DYNC2I1: variants seen among roughly 807,000 people sequenced by gnomAD.
DYNC2I1 encodes dynein 2 intermediate chain 1, also known as cytoplasmic dynein 2 intermediate chain 1.
In DYNC2I1, 89 loss-of-function variants were observed where a neutral mutation model predicts 133.4. The ratio of observed to expected loss-of-function variants is 0.67; its 90% CI spans 0.56 to 0.80. The LOEUF (loss-of-function observed/expected upper bound fraction) is 0.80, where lower values mean the gene tolerates loss of function less well. Ranked by LOEUF, DYNC2I1 falls within the 30% of genes least tolerant of loss-of-function variation. The pLI, the probability that DYNC2I1 is intolerant of heterozygous loss-of-function variation, is 0.00. For missense variants in DYNC2I1, 1,291 were observed against 1,314.5 expected (o/e 0.98, Z 0.28); for synonymous variants, 504 against 484.3 (o/e 1.04, Z -0.54).
intron 8 of DYNC2I1, among the ~76,000 whole-genome samples, chr7:158,894,982 G>T (rs538340532): frequency 5.3e-4 from 80 of 152,250 alleles, no homozygotes; most frequent in African/African-American, 1.8e-3. Context: ...GTGGAGTGGG[G>T]TGTCTGTTAA....
rs12672574 is a variant in DYNC2I1, at chr7:158,891,461, A to G, written c.1059+128A>G. 0.15 allele frequency: 147,208 copies of G among 997,764 alleles called. 14,223 individuals are homozygous for G. The highest frequency in any genetic ancestry group is 0.47 in the East Asian group (19,328 of 41,528). 61.8% of individuals were successfully genotyped at this position (997,764 alleles called of 1,614,324 possible). A position where few individuals can be genotyped will look rare whatever the true frequency, so the allele number is the denominator to read the frequency against. On this transcript the variant is annotated intron_variant, in intron 8 of 24. Coordinates refer to ENST00000407559, the MANE Select transcript of DYNC2I1 (RefSeq NM_018051.5). ...CCCTTTCAGACAGCAGAACATGAGC[A>G]TGAAGGGACAGATGAGATTTTCATA...
chr7:158,851,369 CA>C, the DYNC2I1 span, among the ~76,000 whole-genome samples: 1 of 151,970 alleles, frequency 6.6e-6, no homozygotes, highest in Non-Finnish European at 1.5e-5. Flanking sequence ...CCCATCTCTA[CA>C]AAAAGTACAA....
chr7:158,956,363 TC>T (rs1435803859), intron 4 of DYNC2I1, among the ~76,000 whole-genome samples: 1 of 152,208 alleles, frequency 6.6e-6, no homozygotes, highest in Non-Finnish European at 1.5e-5. Flanking sequence ...ATGCCACCGT[TC>T]CTGGAGGGGC....
upstream of DYNC2I1, among the ~76,000 whole-genome samples, chr7:158,851,616 C>G (rs1841062541): frequency 6.6e-6 from 1 of 152,152 alleles, no homozygotes; most frequent in Non-Finnish European, 1.5e-5. Context: ...GCACTTTATG[C>G]AAATCATCAG....
intron 3 of DYNC2I1, among the ~76,000 whole-genome samples, chr7:158,873,794 T>C (rs962024506): frequency 6.6e-6 from 1 of 152,192 alleles, no homozygotes; most frequent in African/African-American, 2.4e-5. Flanking sequence ...TCTCACTCTG[T>C]TGCCCAGGCT....
At chr7:158,905,944 A>G (rs758793674) in intron 10 of DYNC2I1, 45 bp from the exon 11 acceptor site, 3 of 1,488,728 alleles carry the variant, frequency 2.0e-6, no homozygotes, top group Non-Finnish European at 2.8e-6. Flanking sequence ...TGCTTGGAAG[A>G]CATATTTCCG....
At chr7:158,896,566 T>C (rs1279806995) in intron 8 of DYNC2I1, among the ~76,000 whole-genome samples, 2 of 152,170 alleles carry the variant, frequency 1.3e-5, no homozygotes. Flanking sequence ...CAACCTGTCA[T>C]GCTCAAGCAA....
chr7:158,905,803 C>T (rs569517386), intron 10 of DYNC2I1, among the ~76,000 whole-genome samples, 186 bp from the exon 11 acceptor site: 1 of 152,122 alleles, frequency 6.6e-6, no homozygotes, highest in East Asian at 1.9e-4. Context: ...GCTTTGTTGC[C>T]TGAAAGTTTT....
chr7:158,926,557 T>G, intron 19 of DYNC2I1, 94 bp downstream of exon 19: 1 of 1,376,666 alleles, frequency 7.3e-7, no homozygotes, highest in Non-Finnish European at 1.0e-6. Flanking sequence ...GGGACCCAGT[T>G]AGCTGTGGTG....
chr7:158,872,212 A>C (rs1317021856), intron 3 of DYNC2I1, among the ~76,000 whole-genome samples: 1 of 152,222 alleles, frequency 6.6e-6, no homozygotes, highest in Non-Finnish European at 1.5e-5. Flanking sequence ...GCTATTTGGT[A>C]GGCCGAGGTG....
chr7:158,946,890 C>G (rs1014311449), downstream of DYNC2I1, among the ~76,000 whole-genome samples: 5 of 152,236 alleles, frequency 3.3e-5, no homozygotes, highest in African/African-American at 1.2e-4. Context: ...GCTTACTTGT[C>G]TTAGACCTGG....
chr7:158,951,595 A>C (rs1036167717), intron 4 of DYNC2I1, among the ~76,000 whole-genome samples: 1 of 152,128 alleles, frequency 6.6e-6, no homozygotes, highest in Admixed American at 6.5e-5. Flanking sequence ...CCTGTGTGGG[A>C]GGTACACAGT....
chr7:158,942,252 T>A, intron 24 of DYNC2I1, 104 bp downstream of exon 24: 1 of 812,680 alleles, frequency 1.2e-6, no homozygotes, highest in Non-Finnish European at 1.9e-6. Flanking sequence ...GCTGCTACAT[T>A]TTAAGATGTG....
intron 1 of DYNC2I1, among the ~76,000 whole-genome samples, chr7:158,866,364 G>C (rs191590443): frequency 8.7e-5 from 13 of 150,028 alleles, no homozygotes; most frequent in Non-Finnish European, 1.8e-4. Flanking sequence ...GACTGTCCCT[G>C]AGTGTCCTGG....
At chr7:158,906,181 C>G (rs767402728) in intron 11 of DYNC2I1, 90 bp downstream of exon 11, 54 of 1,117,904 alleles carry the variant, frequency 4.8e-5, no homozygotes, top group Non-Finnish European at 6.6e-5. Context: ...TTTTAAAATG[C>G]ATTTTTACTA....
chr7:158,873,494 CAT>C lies in DYNC2I1; in HGVS notation c.490+1933_490+1934del, dbSNP rs200796157. Among the ~76,000 whole-genome samples the C allele has an allele frequency of 1.2e-3, 181 of 152,218 alleles. 2 individuals carry two copies. In the East Asian group the frequency reaches 0.031, roughly 26 times the overall value. On this transcript the variant is annotated intron_variant, in intron 3 of 24. Transcript: ENST00000407559. ...GGAATAAGGCTGCTAAGAATGTTAT[CAT>C]GTGTATTTTTTGGTGTTCATATATG...
intron 16 of DYNC2I1, among the ~76,000 whole-genome samples, chr7:158,923,238 C>T (rs999947545): frequency 2.0e-5 from 3 of 152,090 alleles, no homozygotes; most frequent in Non-Finnish European, 4.4e-5. Flanking sequence ...AATAAAATGG[C>T]GCAGGATGGA....
At chr7:158,944,375 T>G (rs1851676642) in intron 24 of DYNC2I1, among the ~76,000 whole-genome samples, 1 of 152,152 alleles carries the variant, frequency 6.6e-6, no homozygotes, top group Non-Finnish European at 1.5e-5. Flanking sequence ...TAGGTGTAGT[T>G]TTAAAGCATC....
chr7:158,901,175 G>A (rs897084486), intron 8 of DYNC2I1, among the ~76,000 whole-genome samples: 9 of 152,118 alleles, frequency 5.9e-5, no homozygotes, highest in Non-Finnish European at 1.2e-4. Context: ...GGCTCAAGCA[G>A]TCCTCTCACC....
Sources: allele counts gnomAD v4.1 joint callset (sites outside exome capture counted in the v4.1 genomes callset), GRCh38; gene constraint gnomAD v4.1.1; transcripts MANE v1.5; gene names NCBI Gene and HGNC (gene_info 2026-07-23, HGNC 2026-07-21).